The following TP53BP2 variants were observed in gnomAD, a reference collection of about 807,000 sequenced individuals.
The protein encoded by TP53BP2 is tumor protein p53 binding protein 2.
TP53BP2 carries 62 observed loss-of-function variants against 126.2 expected under a neutral mutation model. That is an observed-to-expected ratio of 0.49 (90% confidence interval 0.40 to 0.61). The LOEUF (loss-of-function observed/expected upper bound fraction) is 0.61. Among genes scored for constraint, TP53BP2 ranks in the 20% least tolerant of loss-of-function variants. The probability of loss-of-function intolerance (pLI) is 0.00; values close to 1 mark genes in which losing one functional copy is unlikely to be tolerated. For synonymous variants in TP53BP2, 485 were observed against 502.9 expected, an observed-to-expected ratio of 0.96 and a Z score of 0.48; for missense variants, 1,215 against 1,402.8, an observed-to-expected ratio of 0.87 and a Z score of 2.14.
chr1:223,835,560 T>C (rs1485969333), intron 1 of TP53BP2, among the ~76,000 whole-genome samples: 1 of 152,192 alleles, frequency 6.6e-6, no homozygotes, highest in East Asian at 1.9e-4. Flanking sequence ...AAGCACTACA[T>C]TTTTAAGATC....
chr1:223,784,448 A>G (rs1661881487), intron 16 of TP53BP2, 134 bp from the exon 17 acceptor site: 4 of 767,900 alleles, frequency 5.2e-6, no homozygotes, highest in South Asian at 3.5e-5. Flanking sequence ...TAAATATACA[A>G]TAAAATGTCC....
chr1:223,802,956 T>C, intron 7 of TP53BP2, 61 bp from the exon 8 acceptor site: 2 of 1,566,242 alleles, frequency 1.3e-6, no homozygotes, highest in South Asian at 2.2e-5. Context: ...TCTCAAACAG[T>C]TAATCACATG....
chr1:223,809,833 CT>C (rs949554343), intron 4 of TP53BP2, among the ~76,000 whole-genome samples: 212 of 147,896 alleles, frequency 1.4e-3, no homozygotes, highest in African/African-American at 4.7e-3. Flanking sequence ...TATAATTTTC[CT>C]TTTTTTTTTG....
At chr1:223,799,103 T>A (rs564187843) in intron 11 of TP53BP2, among the ~76,000 whole-genome samples, 2 of 152,256 alleles carry the variant, frequency 1.3e-5, no homozygotes, top group Non-Finnish European at 2.9e-5. Flanking sequence ...TCATATTTTT[T>A]AATTGTTAAT....
chr1:223,836,158 C>T (rs1394816487), intron 1 of TP53BP2, among the ~76,000 whole-genome samples: 1 of 152,160 alleles, frequency 6.6e-6, no homozygotes, highest in African/African-American at 2.4e-5. Flanking sequence ...CCACAAGCCA[C>T]GAATGTGCTG....
At chr1:223,839,842 A>G (rs909822706) in intron 1 of TP53BP2, among the ~76,000 whole-genome samples, 15 of 152,136 alleles carry the variant, frequency 9.9e-5, no homozygotes, top group African/African-American at 1.9e-4. Flanking sequence ...GGCTGCTGCT[A>G]GAGAATCACT....
At chr1:223,818,913 A>T (rs977612599) in intron 2 of TP53BP2, among the ~76,000 whole-genome samples, 6 of 150,978 alleles carry the variant, frequency 4.0e-5, no homozygotes, top group Admixed American at 4.0e-4. Context: ...TGCCAGATGC[A>T]GTGGCTCACA....
intron 16 of TP53BP2, 38 bp downstream of exon 16, chr1:223,788,970 T>A: frequency 6.3e-7 from 1 of 1,590,398 alleles, no homozygotes; most frequent in Non-Finnish European, 8.6e-7. Flanking sequence ...AATAAATGAA[T>A]GCAGTAATCA....
intron 1 of TP53BP2, among the ~76,000 whole-genome samples, chr1:223,824,931 T>C (rs776880824): frequency 2.6e-5 from 4 of 151,902 alleles, no homozygotes; most frequent in Non-Finnish European, 5.9e-5. Flanking sequence ...TATGCCAGTG[T>C]AACTCTCCCT....
chr1:223,836,016 T>C (rs893132997), intron 1 of TP53BP2, among the ~76,000 whole-genome samples: 3 of 152,060 alleles, frequency 2.0e-5, no homozygotes. Flanking sequence ...AAGAGGACCA[T>C]CTAGGGAGAG....
intron 17 of TP53BP2, 88 bp from the exon 18 acceptor site, chr1:223,780,982 G>T: frequency 8.1e-7 from 1 of 1,234,692 alleles, no homozygotes. Context: ...TTAGGGGACA[G>T]ATGTCATGGG....
Position 223,793,283 on chromosome 1 carries a change from T to A in TP53BP2, c.2862+20A>T, listed in dbSNP as rs968801982. 1.7e-5 allele frequency: 25 copies of A among 1,504,308 alleles called. No homozygotes were observed. Among genetic ancestry groups the A allele is most frequent in the African/African-American group, 2.9e-5 (2 of 69,962 alleles). 93.2% of individuals were successfully genotyped at this position (1,504,308 alleles called of 1,614,324 possible). A position where few individuals can be genotyped will look rare whatever the true frequency, so the allele number is the denominator to read the frequency against. Reference sequence around the variant, plus strand: ...CGAGACTCTGACTCAAAAAAAAAAATTTACTAATTATAATCATACCTCATA... The same window carrying A: ...CGAGACTCTGACTCAAAAAAAAAAAATTACTAATTATAATCATACCTCATA... On this transcript the variant is annotated intron_variant, in intron 14 of 17. Coordinates refer to ENST00000343537, the MANE Select transcript of TP53BP2 (RefSeq NM_001031685.3).
At chr1:223,803,842 G>A (rs1000677777) in intron 6 of TP53BP2, among the ~76,000 whole-genome samples, 1 of 152,130 alleles carries the variant, frequency 6.6e-6, no homozygotes, top group South Asian at 2.1e-4. Flanking sequence ...CAAATTCTCA[G>A]TCAAAAAATA....
chr1:223,790,564 A>G (rs1406383716), intron 15 of TP53BP2, among the ~76,000 whole-genome samples: 6 of 151,938 alleles, frequency 3.9e-5, no homozygotes, highest in African/African-American at 1.5e-4. Context: ...CTCAAAAAAA[A>G]CAAAAAAAGA....
At chr1:223,839,728 G>A (rs1183753548) in intron 1 of TP53BP2, among the ~76,000 whole-genome samples, 4 of 152,090 alleles carry the variant, frequency 2.6e-5, no homozygotes, top group South Asian at 2.1e-4. Flanking sequence ...TCAGGAGCTC[G>A]AGACCAGCCT....
At chr1:223,806,754 G>A (rs1662730947) in intron 5 of TP53BP2, 92 bp downstream of exon 5, 2 of 896,854 alleles carry the variant, frequency 2.2e-6, no homozygotes, top group African/African-American at 3.4e-5. Context: ...AACTCAGGAG[G>A]CGGAGGTTGC....
At chr1:223,828,580 T>A (rs1056215157) in intron 1 of TP53BP2, among the ~76,000 whole-genome samples, 3 of 152,194 alleles carry the variant, frequency 2.0e-5, no homozygotes, top group African/African-American at 7.2e-5. Flanking sequence ...TAGTCAGGAA[T>A]GATTAAAAAC....
At chr1:223,831,037 G>C (rs1023775912) in intron 1 of TP53BP2, among the ~76,000 whole-genome samples, 1 of 151,986 alleles carries the variant, frequency 6.6e-6, no homozygotes, top group Non-Finnish European at 1.5e-5. Context: ...GGCGGAGCTT[G>C]CAGTGAGCCG....
intron 1 of TP53BP2, chr1:223,845,330 T>G (rs1048529372): frequency 2.3e-6 from 2 of 862,852 alleles, no homozygotes; most frequent in African/African-American, 1.8e-5. Flanking sequence ...CTTCAAGAAC[T>G]GCAAAAAAGT....
Sources: allele counts gnomAD v4.1 joint callset (sites outside exome capture counted in the v4.1 genomes callset), GRCh38; gene constraint gnomAD v4.1.1; transcripts MANE v1.5; gene names NCBI Gene and HGNC (gene_info 2026-07-23, HGNC 2026-07-21).